Variants in OR9Q1 observed in about 807,000 individuals in gnomAD.
The protein encoded by OR9Q1 is olfactory receptor 9Q1.
For missense variants in OR9Q1, 374 were observed against 378.8 expected (o/e 0.99, Z 0.11); for synonymous variants, 153 against 148.6 (o/e 1.03, Z -0.22).
chr11:58,178,937 TATATAATATATATTTAC>T (rs1224443823), intron 2 of OR9Q1, among the ~76,000 whole-genome samples: 2 of 143,934 alleles, frequency 1.4e-5, no homozygotes, highest in African/African-American at 5.1e-5. Flanking sequence ...TATATATTTA[TATATAATATATATTTAC>T]ATATAATATA....
chr11:58,028,991 C>A (rs1396722375), intron 1 of OR9Q1, among the ~76,000 whole-genome samples: 1 of 152,222 alleles, frequency 6.6e-6, no homozygotes, highest in African/African-American at 2.4e-5. Context: ...AACACTATTT[C>A]TTTTTCTCCA....
At position 58,035,945 on chromosome 11, in the gene OR9Q1, GT is replaced by G. The variant is rs386373862; in HGVS notation, c.-93+11856del. ...GTGTTATTGTGCTTCACTGGTACTG[GT>G]TTTTTTTTTTTTTTACAAATTGAAG... On this transcript the variant is annotated intron_variant, in intron 1 of 2. Transcript: ENST00000335397. Among the ~76,000 whole-genome samples the G allele has an allele frequency of 1.6e-3, 223 of 141,406 alleles. 1 individual carries two copies. Among genetic ancestry groups the G allele is most frequent in the South Asian group, 0.011 (52 of 4,522 alleles). 92.8% of individuals were successfully genotyped at this position (141,406 alleles called of 152,430 possible). A position where few individuals can be genotyped will look rare whatever the true frequency, so the allele number is the denominator to read the frequency against.
intron 2 of OR9Q1, among the ~76,000 whole-genome samples, chr11:58,175,104 T>TTA: frequency 1.7e-4 from 1 of 5,980 alleles, no homozygotes; most frequent in Non-Finnish European, 4.0e-4. Context: ...AGACTCTGTC[T>TTA]CAAAAAAAAA....
chr11:58,104,212 T>G (rs1482412461), intron 2 of OR9Q1, among the ~76,000 whole-genome samples: 1 of 152,046 alleles, frequency 6.6e-6, no homozygotes, highest in Non-Finnish European at 1.5e-5. Flanking sequence ...CTAAAATATA[T>G]GAAGCTTGTA....
intron 1 of OR9Q1, chr11:58,030,936 A>G (rs758323488): frequency 3.3e-6 from 5 of 1,510,866 alleles, no homozygotes; most frequent in African/African-American, 2.7e-5. Context: ...GAGTTTGCTG[A>G]GCTCTCACTG....
At chr11:58,145,681 G>C (rs1156618149) in intron 2 of OR9Q1, among the ~76,000 whole-genome samples, 1 of 152,178 alleles carries the variant, frequency 6.6e-6, no homozygotes, top group Non-Finnish European at 1.5e-5. Flanking sequence ...TCAAGGGAGA[G>C]GGAATCCCAA....
chr11:58,126,142 C>T (rs1321249903), intron 2 of OR9Q1, among the ~76,000 whole-genome samples: 2 of 152,168 alleles, frequency 1.3e-5, no homozygotes, highest in African/African-American at 2.4e-5. Flanking sequence ...AGATCTATTT[C>T]CAGGGTTTCC....
At chr11:58,075,029 T>A (rs2120028259) in intron 2 of OR9Q1, among the ~76,000 whole-genome samples, 1 of 152,326 alleles carries the variant, frequency 6.6e-6, no homozygotes, top group African/African-American at 2.4e-5. Flanking sequence ...TAGTTTGAAG[T>A]CAGGTAGCAT....
chr11:58,046,221 C>G (rs2119952907), intron 1 of OR9Q1, among the ~76,000 whole-genome samples: 1 of 152,184 alleles, frequency 6.6e-6, no homozygotes, highest in East Asian at 1.9e-4. Flanking sequence ...GGCGACAATG[C>G]TAATTTCTTC....
At chr11:58,075,418 C>T (rs748914573) in intron 2 of OR9Q1, 1 of 152,206 alleles carries the variant, frequency 6.6e-6, no homozygotes, top group Admixed American at 6.5e-5. Flanking sequence ...CAGCAGACAC[C>T]TGTTTAGGGT....
At chr11:58,165,184 G>C (rs1174298243) in intron 2 of OR9Q1, among the ~76,000 whole-genome samples, 2 of 152,206 alleles carry the variant, frequency 1.3e-5, no homozygotes, top group Non-Finnish European at 2.9e-5. Context: ...AAGATAATAA[G>C]TGCCCAGTGA....
intron 2 of OR9Q1, among the ~76,000 whole-genome samples, chr11:58,114,240 T>TCTTG (rs780247321): frequency 3.9e-5 from 6 of 152,320 alleles, no homozygotes; most frequent in Admixed American, 6.5e-5. Context: ...ATTAAGACCA[T>TCTTG]CTTGTTTCTG....
At position 58,037,797 on chromosome 11, in the gene OR9Q1, C is replaced by A. The variant is rs1386956424; in HGVS notation, c.-93+13693C>A. 4.5e-5 allele frequency among the ~76,000 whole-genome samples: 6 copies of A among 134,358 alleles called. No individual in the cohort carries two copies. The Admixed American group carries it at 4.8e-4, about 11-fold the overall frequency. 88.1% of individuals were successfully genotyped at this position (134,358 alleles called of 152,430 possible). A position where few individuals can be genotyped will look rare whatever the true frequency, so the allele number is the denominator to read the frequency against. On this transcript the variant is annotated intron_variant, in intron 1 of 2. Coordinates refer to ENST00000335397, the MANE Select transcript of OR9Q1 (RefSeq NM_001005212.4). ...GCAGTGGCGCGATCTCGGCTCACTG[C>A]AAGCTCTGCCTTCTGGGTTCATGCC...
chr11:58,084,370 G>T (rs191760208), intron 2 of OR9Q1, among the ~76,000 whole-genome samples: 2 of 151,774 alleles, frequency 1.3e-5, no homozygotes, highest in African/African-American at 4.9e-5. Context: ...GATGTGCAAA[G>T]AACTGGTACC....
intron 2 of OR9Q1, among the ~76,000 whole-genome samples, chr11:58,098,268 A>G (rs942153804): frequency 1.3e-5 from 2 of 152,178 alleles, no homozygotes; most frequent in African/African-American, 2.4e-5. Context: ...TTAACAGGAT[A>G]TATGACTCTT....
intron 2 of OR9Q1, among the ~76,000 whole-genome samples, chr11:58,179,059 A>C (rs1041736540): frequency 1.4e-5 from 2 of 140,218 alleles, no homozygotes; most frequent in Non-Finnish European, 3.2e-5. Context: ...TCTGTTGCCC[A>C]GGCTGGAGTG....
chr11:58,086,101 G>C (rs935616507), intron 2 of OR9Q1, among the ~76,000 whole-genome samples: 7 of 151,790 alleles, frequency 4.6e-5, no homozygotes, highest in Non-Finnish European at 1.0e-4. Context: ...GAAAATATTT[G>C]CAAATCATAC....
At chr11:58,026,156 T>C (rs938596561) in intron 1 of OR9Q1, among the ~76,000 whole-genome samples, 1 of 152,154 alleles carries the variant, frequency 6.6e-6, no homozygotes, top group Non-Finnish European at 1.5e-5. Flanking sequence ...TGCAACTCAT[T>C]TTGGGTTAGA....
intron 2 of OR9Q1, among the ~76,000 whole-genome samples, chr11:58,085,003 T>C (rs1853621282): frequency 1.3e-5 from 2 of 151,776 alleles, no homozygotes; most frequent in African/African-American, 4.9e-5. Context: ...AGTAAAACTA[T>C]CTCTCTTCAC....
Sources: allele counts gnomAD v4.1 joint callset (sites outside exome capture counted in the v4.1 genomes callset), GRCh38; gene constraint gnomAD v4.1.1; transcripts MANE v1.5; gene names NCBI Gene and HGNC (gene_info 2026-07-23, HGNC 2026-07-21).